The following HHAT variants were observed in gnomAD, a reference collection of about 807,000 sequenced individuals.
HHAT encodes the protein hedgehog acyltransferase.
HHAT carries 47 observed loss-of-function variants against 70.8 expected under a neutral mutation model. That is an observed-to-expected ratio of 0.66 (90% CI 0.53 to 0.85). The LOEUF (loss-of-function observed/expected upper bound fraction) is 0.85, where lower values mean the gene tolerates loss of function less well. Among genes scored for constraint, HHAT ranks in the 40% least tolerant of loss-of-function variants. The pLI, the probability that HHAT is intolerant of heterozygous loss-of-function variation, is 0.00. For synonymous variants in HHAT, 228 were observed against 247.6 expected, an observed-to-expected ratio of 0.92 and a Z score of 0.74; for missense variants, 609 against 604.8, an observed-to-expected ratio of 1.01 and a Z score of -0.07.
intron 7 of HHAT, among the ~76,000 whole-genome samples, chr1:210,447,124 T>C (rs1349514179): frequency 6.6e-6 from 1 of 152,224 alleles, no homozygotes; most frequent in African/African-American, 2.4e-5. Flanking sequence ...CTTAACCCCA[T>C]ATCCACTAAT....
chr1:210,460,830 A>C (rs1214108005), intron 7 of HHAT, among the ~76,000 whole-genome samples: 1 of 152,198 alleles, frequency 6.6e-6, no homozygotes, highest in Non-Finnish European at 1.5e-5. Flanking sequence ...AGTCCCCTGA[A>C]GCTAGGTCCC....
chr1:210,537,861 G>A (rs72749366), intron 9 of HHAT, among the ~76,000 whole-genome samples: 3,669 of 152,254 alleles, frequency 0.024, 76 homozygotes, highest in Non-Finnish European at 0.038. Context: ...TCAATTGAAA[G>A]AAGAACAGTT....
chr1:210,664,743 G>T (rs1243368087), intron 11 of HHAT, among the ~76,000 whole-genome samples: 2 of 152,234 alleles, frequency 1.3e-5, no homozygotes, highest in African/African-American at 4.8e-5. Context: ...GGCCTCTGCA[G>T]AACCACATGT....
chr1:210,533,285 C>A (rs948090796), intron 9 of HHAT, among the ~76,000 whole-genome samples: 6 of 147,558 alleles, frequency 4.1e-5, no homozygotes, highest in African/African-American at 1.5e-4. Flanking sequence ...TTTAGAAGTA[C>A]AGATGGCAGC....
intron 9 of HHAT, among the ~76,000 whole-genome samples, chr1:210,527,718 A>G (rs1192628440): frequency 1.3e-5 from 2 of 152,238 alleles, no homozygotes; most frequent in East Asian, 3.8e-4. Flanking sequence ...AGCACGTGAC[A>G]GAGGATGGTG....
intron 3 of HHAT, among the ~76,000 whole-genome samples, chr1:210,386,132 T>C (rs1174725775): frequency 2.0e-5 from 3 of 152,076 alleles, no homozygotes; most frequent in African/African-American, 7.2e-5. Context: ...AATCACACTT[T>C]TCTTCAAATC....
intron 3 of HHAT, among the ~76,000 whole-genome samples, chr1:210,373,442 AAGC>A (rs551622660): frequency 4.6e-5 from 7 of 152,192 alleles, no homozygotes; most frequent in African/African-American, 1.7e-4. Context: ...AAAAGAAATT[AAGC>A]AGCAGCAGCA....
chr1:210,655,190 T>C (rs1382023534), intron 11 of HHAT, among the ~76,000 whole-genome samples: 2 of 152,088 alleles, frequency 1.3e-5, no homozygotes, highest in Admixed American at 6.5e-5. Context: ...AGAGAATAAA[T>C]AGCTGGGAAA....
At chr1:210,653,586 A>G (rs755674788) in intron 11 of HHAT, among the ~76,000 whole-genome samples, 17 of 152,098 alleles carry the variant, frequency 1.1e-4, no homozygotes, top group Non-Finnish European at 2.2e-4. Flanking sequence ...GTGTACATAC[A>G]ATATTTGTGG....
At chr1:210,394,573 T>A (rs1025416068) in intron 4 of HHAT, among the ~76,000 whole-genome samples, 1 of 151,920 alleles carries the variant, frequency 6.6e-6, no homozygotes, top group Non-Finnish European at 1.5e-5. Flanking sequence ...ACTGGCCTGG[T>A]GTAGGGTTGA....
chr1:210,611,805 C>T (rs757092804), intron 10 of HHAT, among the ~76,000 whole-genome samples: 3 of 152,220 alleles, frequency 2.0e-5, no homozygotes, highest in Admixed American at 6.5e-5. Context: ...TGATGAATCA[C>T]CTTTATTGAT....
At chr1:210,518,704 A>G (rs1029596944) in intron 9 of HHAT, among the ~76,000 whole-genome samples, 2 of 152,098 alleles carry the variant, frequency 1.3e-5, no homozygotes, top group African/African-American at 4.8e-5. Flanking sequence ...GAGGCATGAG[A>G]ATCTTTTGAA....
In HHAT at chr1:210,631,485, A is replaced by G. The variant is rs1417919397; in HGVS notation, c.1390+7815A>G. 3.9e-5 allele frequency among the ~76,000 whole-genome samples: 6 copies of G among 152,366 alleles called. No homozygotes were observed. The South Asian group carries it at 1.0e-3, about 26-fold the overall frequency. On this transcript the variant is annotated intron_variant, in intron 11 of 11. Transcript: ENST00000261458. ...TATCCCAAGCCTGCTCAGTTGGTCA[A>G]GGACTCTGGCTTCCCTCTTTAGATT...
intron 3 of HHAT, among the ~76,000 whole-genome samples, chr1:210,386,194 T>G (rs1461484766): frequency 2.0e-5 from 3 of 150,374 alleles, no homozygotes; most frequent in African/African-American, 7.3e-5. Flanking sequence ...AGGAGTTCAA[T>G]ATCAGTGGTC....
At chr1:210,582,627 ATAG>A (rs1659529760) in intron 9 of HHAT, among the ~76,000 whole-genome samples, 1 of 152,170 alleles carries the variant, frequency 6.6e-6, no homozygotes, top group Non-Finnish European at 1.5e-5. Context: ...GTTGTTTTTC[ATAG>A]TAGGTATGAG....
intron 7 of HHAT, among the ~76,000 whole-genome samples, chr1:210,456,823 T>A (rs1461918781): frequency 6.6e-6 from 1 of 152,206 alleles, no homozygotes; most frequent in Non-Finnish European, 1.5e-5. Context: ...GATGACTGAA[T>A]TCCTTTTGCT....
At chr1:210,517,201 T>C (rs2095071631) in intron 9 of HHAT, among the ~76,000 whole-genome samples, 1 of 152,216 alleles carries the variant, frequency 6.6e-6, no homozygotes, top group African/African-American at 2.4e-5. Context: ...GGGTGGCTTG[T>C]TTAAATTTAG....
At chr1:210,637,842 G>A (rs1361535197) in intron 11 of HHAT, among the ~76,000 whole-genome samples, 2 of 132,790 alleles carry the variant, frequency 1.5e-5, no homozygotes, top group African/African-American at 2.8e-5. Context: ...TCTGGCAACA[G>A]AGTGAGACTC....
intron 2 of HHAT, among the ~76,000 whole-genome samples, chr1:210,357,653 C>G (rs1431312813): frequency 1.3e-5 from 2 of 152,092 alleles, no homozygotes; most frequent in African/African-American, 2.4e-5. Flanking sequence ...AACCCCGTCT[C>G]TACTAAAAAT....
Sources: gnomAD v4.1 joint callset for allele counts (sites outside exome capture counted in the v4.1 genomes callset) on GRCh38, gnomAD v4.1.1 for gene constraint, MANE v1.5 for transcripts, NCBI Gene and HGNC (gene_info 2026-07-23, HGNC 2026-07-21) for gene names.